Variants in NAA35 observed in about 807,000 individuals in gnomAD.
The protein encoded by NAA35 is MAK10 homolog, amino-acid N-acetyltransferase subunit.
NAA35 carries 18 observed loss-of-function variants against 101.7 expected under a neutral mutation model. The ratio of observed to expected loss-of-function variants is 0.18; its 90% confidence interval spans 0.12 to 0.26. NAA35 has a LOEUF of 0.26. Ranked by LOEUF, NAA35 falls within the 10% of genes least tolerant of loss-of-function variation. The pLI is 1.00. For missense variants in NAA35, 601 were observed against 886.8 expected (o/e 0.68, Z 4.09); for synonymous variants, 267 against 273.1 (o/e 0.98, Z 0.22).
At chr9:85,965,666 A>G (rs1372751318) in intron 6 of NAA35, among the ~76,000 whole-genome samples, 1 of 152,118 alleles carries the variant, frequency 6.6e-6, no homozygotes, top group African/African-American at 2.4e-5. Context: ...ATGGAGGTCA[A>G]TTAAAAAAAA....
intron 5 of NAA35, among the ~76,000 whole-genome samples, chr9:85,961,008 G>A (rs777306872): frequency 1.2e-4 from 18 of 152,192 alleles, no homozygotes; most frequent in Non-Finnish European, 2.2e-4. Flanking sequence ...TAGGAGGAGT[G>A]TGGGATTAGT....
chr9:85,979,243 C>T (rs1311457994), intron 11 of NAA35, among the ~76,000 whole-genome samples: 1 of 152,212 alleles, frequency 6.6e-6, no homozygotes, highest in Admixed American at 6.5e-5. Context: ...GTCCACCCTA[C>T]TGCTGTGTCC....
intron 14 of NAA35, 97 bp downstream of exon 14, chr9:86,007,561 G>T: frequency 2.5e-6 from 2 of 795,902 alleles, no homozygotes; most frequent in South Asian, 1.7e-5. Context: ...ATCAAAATTG[G>T]GACCAAATCT....
intron 2 of NAA35, among the ~76,000 whole-genome samples, chr9:85,942,874 A>G (rs1828586305): frequency 6.6e-6 from 1 of 152,128 alleles, no homozygotes; most frequent in Admixed American, 6.5e-5. Flanking sequence ...CCTCGCTTTC[A>G]CACAATTCTT....
chr9:86,008,094 A>G (rs1335876380), intron 14 of NAA35, among the ~76,000 whole-genome samples: 1 of 152,308 alleles, frequency 6.6e-6, no homozygotes. Flanking sequence ...TTGCATGTAC[A>G]TAATGTTGCT....
intron 8 of NAA35, among the ~76,000 whole-genome samples, 200 bp downstream of exon 8, chr9:85,975,357 C>T (rs952087654): frequency 2.6e-5 from 4 of 151,860 alleles, no homozygotes; most frequent in Admixed American, 1.3e-4. Context: ...GCTGCCGAAG[C>T]GAGCACAAAT....
chr9:85,955,360 A>ATATATTT (rs749448250), intron 2 of NAA35, among the ~76,000 whole-genome samples: 5 of 53,938 alleles, frequency 9.3e-5, no homozygotes, highest in Admixed American at 3.8e-4. Context: ...ATATATATAT[A>ATATATTT]TTTTTTTTTT....
Position 86,003,631 on chromosome 9 carries a change from G to C in NAA35, c.1103G>C (p.Arg368Thr). 1 of 1,591,400 alleles carries C rather than the reference G, an allele frequency of 6.3e-7. No homozygotes were observed. The highest frequency in any genetic ancestry group is 8.6e-7 in the Non-Finnish European group (1 of 1,165,380). ...GAACAGTCACCATGTGTTCTTTCAA[G>C]ATCTCTGTTACAAGTAAGTTCCACT... ...FSEQSPCVLS[R>T]SLLQTTFLVD... Residue 368 changes from arginine to threonine, a missense_variant, in exon 13 of 23, where the codon AGA (arginine) becomes ACA (threonine). This residue lies in a region of NAA35 where 190 missense variants were observed against 223.1 expected (regional missense o/e 0.85). Transcript: ENST00000361671.
chr9:85,962,212 C>T (rs777157945), intron 6 of NAA35, 32 bp downstream of exon 6: 1 of 1,603,256 alleles, frequency 6.2e-7, no homozygotes, highest in African/African-American at 1.3e-5. Flanking sequence ...AATCCTTGGC[C>T]AGGTGCGGTG....
chr9:85,980,840 C>T (rs542330806), intron 11 of NAA35, among the ~76,000 whole-genome samples: 1 of 151,956 alleles, frequency 6.6e-6, no homozygotes, highest in African/African-American at 2.4e-5. Flanking sequence ...TTTTTTCGCC[C>T]CTCAACGACT....
At position 85,941,728 on chromosome 9, in the gene NAA35, C is replaced by T. The variant is rs1476091991; in HGVS notation, c.-5-427C>T. ...GGCCCGGGAGAGGTCCCAGCGAGCT[C>T]TGGCCAGATGAAGGGCTACCTTGAT... On this transcript the variant is annotated intron_variant, in intron 1 of 22. Transcript: ENST00000361671. 13 of 987,094 alleles carry T rather than the reference C, an allele frequency of 1.3e-5. No homozygotes were observed. The African/African-American group carries it at 1.9e-4, about 15-fold the overall frequency. The allele number at this position is 987,094 out of a possible 1,614,324, so 61.1% of individuals were successfully genotyped here.
intron 17 of NAA35, chr9:86,015,549 C>G (rs1410339932): frequency 5.1e-6 from 1 of 194,628 alleles, no homozygotes; most frequent in Non-Finnish European, 9.4e-6. Flanking sequence ...AATTCCTGAC[C>G]TGTTAGGTCT....
intron 12 of NAA35, among the ~76,000 whole-genome samples, chr9:85,997,271 A>G (rs1450047321): frequency 6.7e-6 from 1 of 150,242 alleles, no homozygotes; most frequent in Admixed American, 6.6e-5. Flanking sequence ...CTAGCCTTGA[A>G]CTCTTGAGGT....
At chr9:85,984,932 C>T (rs1420296727) in intron 11 of NAA35, among the ~76,000 whole-genome samples, 1 of 152,020 alleles carries the variant, frequency 6.6e-6, no homozygotes, top group East Asian at 1.9e-4. Context: ...ACTCTTAAAA[C>T]ATAGGCATTA....
intron 11 of NAA35, chr9:85,986,497 A>C: frequency 2.1e-6 from 1 of 468,202 alleles, no homozygotes; most frequent in Non-Finnish European, 4.4e-6. Context: ...CTAGAGATGG[A>C]GGTGGAAGTC....
chr9:85,959,088 A>C (rs898005557), intron 4 of NAA35, among the ~76,000 whole-genome samples: 12 of 152,120 alleles, frequency 7.9e-5, no homozygotes, highest in African/African-American at 2.7e-4. Context: ...AAAAATCTTT[A>C]GTTTTCGGCT....
chr9:85,984,806 T>A (rs1180538477), intron 11 of NAA35, among the ~76,000 whole-genome samples: 1 of 152,190 alleles, frequency 6.6e-6, no homozygotes, highest in Non-Finnish European at 1.5e-5. Flanking sequence ...CTAAGACAAC[T>A]GGATATCCAC....
chr9:86,015,264 A>G (rs1167199783), intron 17 of NAA35, among the ~76,000 whole-genome samples: 8 of 152,198 alleles, frequency 5.3e-5, no homozygotes. Context: ...ACATAAGTAG[A>G]TTTGTTTCTT....
intron 11 of NAA35, among the ~76,000 whole-genome samples, chr9:85,983,331 T>G (rs1222043453): frequency 2.6e-5 from 4 of 152,218 alleles, no homozygotes; most frequent in Non-Finnish European, 5.9e-5. Context: ...AAGATTCTTC[T>G]TAGGGAAATC....
Sources: gnomAD v4.1 joint callset for allele counts (sites outside exome capture counted in the v4.1 genomes callset) on GRCh38, gnomAD v4.1.1 for gene constraint, gnomAD v4.1.1 regional missense constraint, MANE v1.5 for transcripts, NCBI Gene and HGNC (gene_info 2026-07-23, HGNC 2026-07-21) for gene names.